The following UNC5D variants were observed in gnomAD, a reference collection of about 807,000 sequenced individuals.
UNC5D encodes unc-5 netrin receptor D, also known as netrin receptor UNC5D.
In UNC5D, 39 loss-of-function variants were observed where a neutral mutation model predicts 105.4. The observed-to-expected ratio is 0.37, with a 90% CI of 0.29 to 0.48. The LOEUF (loss-of-function observed/expected upper bound fraction) is 0.48. UNC5D is among the 20% of genes least tolerant of loss of function. The pLI, the probability that UNC5D is intolerant of heterozygous loss-of-function variation, is 0.98. For missense variants in UNC5D, 991 were observed against 1,202.4 expected (o/e 0.82, Z 2.60); for synonymous variants, 452 against 450.4 (o/e 1.00, Z -0.04).
intron 1 of UNC5D, among the ~76,000 whole-genome samples, chr8:35,456,157 A>G (rs1398401851): frequency 6.6e-6 from 1 of 152,186 alleles, no homozygotes; most frequent in Non-Finnish European, 1.5e-5. Flanking sequence ...AAAGAGTTTC[A>G]TTAGAACATT....
At chr8:35,454,011 A>T (rs1442770675) in intron 1 of UNC5D, among the ~76,000 whole-genome samples, 1 of 152,182 alleles carries the variant, frequency 6.6e-6, no homozygotes, top group Non-Finnish European at 1.5e-5. Flanking sequence ...TTAATACAAG[A>T]CTTGTTTCCT....
intron 1 of UNC5D, among the ~76,000 whole-genome samples, chr8:35,423,709 T>G (rs1446975640): frequency 6.6e-6 from 1 of 152,122 alleles, no homozygotes; most frequent in Non-Finnish European, 1.5e-5. Flanking sequence ...TCCTGAAGAA[T>G]GGAAAAGTAG....
chr8:35,268,322 A>G (rs904700606), intron 1 of UNC5D, among the ~76,000 whole-genome samples: 2 of 152,168 alleles, frequency 1.3e-5, no homozygotes, highest in Non-Finnish European at 2.9e-5. Context: ...GAACTGAACA[A>G]TGATTAAATT....
At chr8:35,365,172 C>T (rs926286648) in intron 1 of UNC5D, among the ~76,000 whole-genome samples, 1 of 152,128 alleles carries the variant, frequency 6.6e-6, no homozygotes, top group Non-Finnish European at 1.5e-5. Context: ...GCCTCAATCC[C>T]GATTGCTCAT....
At chr8:35,675,877 G>GAAAT (rs1825176290) in intron 4 of UNC5D, among the ~76,000 whole-genome samples, 2 of 151,562 alleles carry the variant, frequency 1.3e-5, no homozygotes, top group Non-Finnish European at 2.9e-5. Context: ...TTGTCTGGTG[G>GAAAT]AAATAAACAT....
chr8:35,581,362 T>C (rs1818459949), intron 3 of UNC5D, among the ~76,000 whole-genome samples: 2 of 152,162 alleles, frequency 1.3e-5, no homozygotes, highest in Non-Finnish European at 1.5e-5. Context: ...ATTCTTCATC[T>C]ACTGCCTACC....
chr8:35,549,593 C>T, intron 2 of UNC5D, 83 bp downstream of exon 2: 1 of 1,325,050 alleles, frequency 7.5e-7, no homozygotes, highest in South Asian at 1.3e-5. Context: ...GACTGGAAAT[C>T]ACCCCCCATT....
intron 1 of UNC5D, among the ~76,000 whole-genome samples, chr8:35,518,778 G>A (rs1183380443): frequency 6.6e-6 from 1 of 152,078 alleles, no homozygotes; most frequent in Non-Finnish European, 1.5e-5. Flanking sequence ...AGGAAGACGT[G>A]GTCAAAGGAA....
chr8:35,500,323 T>G (rs1451839190), intron 1 of UNC5D, among the ~76,000 whole-genome samples: 3 of 152,288 alleles, frequency 2.0e-5, no homozygotes, highest in African/African-American at 7.2e-5. Flanking sequence ...CTTGCTTTTA[T>G]AGTAAAGCCA....
intron 11 of UNC5D, among the ~76,000 whole-genome samples, chr8:35,739,705 T>G (rs1829661413): frequency 6.6e-6 from 1 of 152,212 alleles, no homozygotes; most frequent in Admixed American, 6.5e-5. Flanking sequence ...ACTGTAATTA[T>G]TTTTATTTGT....
At chr8:35,483,445 A>T (rs1585947061) in intron 1 of UNC5D, among the ~76,000 whole-genome samples, 1 of 152,178 alleles carries the variant, frequency 6.6e-6, no homozygotes, top group Admixed American at 6.5e-5. Context: ...GAGATCAGTC[A>T]TGTTCTGTAT....
intron 7 of UNC5D, among the ~76,000 whole-genome samples, chr8:35,701,234 T>A (rs1199314102): frequency 6.6e-6 from 1 of 152,180 alleles, no homozygotes; most frequent in Non-Finnish European, 1.5e-5. Context: ...AAAAATGACA[T>A]AGGCCCTGGT....
At chr8:35,344,908 A>G (rs1422327415) in intron 1 of UNC5D, among the ~76,000 whole-genome samples, 1 of 152,070 alleles carries the variant, frequency 6.6e-6, no homozygotes, top group Non-Finnish European at 1.5e-5. Flanking sequence ...ATAGTGTTTA[A>G]TACCCTAGAT....
At chr8:35,444,014 A>G (rs1807609993) in intron 1 of UNC5D, among the ~76,000 whole-genome samples, 1 of 152,014 alleles carries the variant, frequency 6.6e-6, no homozygotes, top group South Asian at 2.1e-4. Flanking sequence ...TTTTGTTGAA[A>G]ACATAAATTA....
intron 11 of UNC5D, among the ~76,000 whole-genome samples, chr8:35,742,843 T>C (rs1272618541): frequency 6.6e-6 from 1 of 152,192 alleles, no homozygotes; most frequent in Non-Finnish European, 1.5e-5. Context: ...ATGGGTGCTG[T>C]AGGATGTTAG....
chr8:35,404,965 G>A (rs1406699783), intron 1 of UNC5D, among the ~76,000 whole-genome samples: 4 of 152,258 alleles, frequency 2.6e-5, no homozygotes, highest in Middle Eastern at 6.8e-3. Flanking sequence ...GACTTTTTAA[G>A]TTAGACGCTA....
At chr8:35,264,148 C>T (rs1804672390) in intron 1 of UNC5D, among the ~76,000 whole-genome samples, 1 of 152,200 alleles carries the variant, frequency 6.6e-6, no homozygotes, top group Admixed American at 6.5e-5. Context: ...ATGGGCTCAT[C>T]TATATCTAGC....
chr8:35,466,586 A>G (rs1285151724), intron 1 of UNC5D, among the ~76,000 whole-genome samples: 1 of 152,222 alleles, frequency 6.6e-6, no homozygotes, highest in East Asian at 1.9e-4. Context: ...TCCTTAAAAA[A>G]GTCATTTCTA....
At chr8:35,283,377 A>G (rs189407923) in intron 1 of UNC5D, among the ~76,000 whole-genome samples, 19 of 152,302 alleles carry the variant, frequency 1.2e-4, no homozygotes, top group African/African-American at 4.6e-4. Context: ...GTGAAACATT[A>G]AAGAACCCTA....
Sources: allele counts gnomAD v4.1 joint callset (sites outside exome capture counted in the v4.1 genomes callset), GRCh38; gene constraint gnomAD v4.1.1; transcripts MANE v1.5; gene names NCBI Gene and HGNC (gene_info 2026-07-23, HGNC 2026-07-21).